Variants in CD28 observed in about 807,000 individuals in gnomAD.
The protein encoded by CD28 is CD28 molecule.
Under a neutral mutation model 21.4 loss-of-function variants are expected in CD28, and 8 were observed. That is an observed-to-expected ratio of 0.37 (90% CI 0.22 to 0.68). The LOEUF (loss-of-function observed/expected upper bound fraction) is 0.68, where lower values mean the gene tolerates loss of function less well. Ranked by LOEUF, CD28 falls within the 30% of genes least tolerant of loss-of-function variation. The probability of loss-of-function intolerance (pLI) is 0.55; values close to 1 mark genes in which losing one functional copy is unlikely to be tolerated. For missense variants in CD28, 239 were observed against 272.2 expected (o/e 0.88, Z 0.86); for synonymous variants, 106 against 104.0 (o/e 1.02, Z -0.12).
At chr2:203,710,630 T>A (rs1353294566) in intron 1 of CD28, among the ~76,000 whole-genome samples, 5 of 152,238 alleles carry the variant, frequency 3.3e-5, no homozygotes, top group African/African-American at 1.2e-4. Flanking sequence ...TTCCTCCAAG[T>A]ATTTCCTGCA....
chr2:203,706,736 A>G lies in CD28; in HGVS notation c.40A>G (p.Ile14Val), dbSNP rs146720297. Residue 14 changes from isoleucine (I) to valine (V), a missense_variant, in exon 1 of 4, where the codon ATT becomes GTT. Physicochemically the swap from Ile to Val is conservative, Grantham distance 29. Around this residue, in one of 3 missense-constraint regions of CD28, gnomAD observed 104 missense variants for 108.5 expected, o/e 0.96. Coordinates refer to ENST00000324106, the MANE Select transcript of CD28 (RefSeq NM_006139.4). ...CTTGGCTCTCAACTTATTCCCTTCA[A>G]TTCAAGTAACAGGTAAACAATGTTA... The part of the protein sequence containing the change: ...LLLALNLFPS[I>V]QVTGNKILVK... 4.3e-4 allele frequency: 692 copies of G among 1,612,222 alleles called. 3 individuals carry two copies. Among genetic ancestry groups the G allele is most frequent in the Admixed American group, 1.0e-3 (63 of 60,026 alleles).
chr2:203,713,581 A>T (rs547345346), intron 1 of CD28, among the ~76,000 whole-genome samples: 1 of 152,240 alleles, frequency 6.6e-6, no homozygotes, highest in South Asian at 2.1e-4. Flanking sequence ...TTTGGCTGAA[A>T]CGCCACCTGG....
intron 1 of CD28, among the ~76,000 whole-genome samples, chr2:203,712,111 G>A (rs1693329614): frequency 6.6e-6 from 1 of 152,086 alleles, no homozygotes. Flanking sequence ...AGAATTGCTT[G>A]AACCTAGGAG....
At chr2:203,727,407 T>C (rs1406645693) in intron 2 of CD28, among the ~76,000 whole-genome samples, 1 of 151,492 alleles carries the variant, frequency 6.6e-6, no homozygotes, top group Non-Finnish European at 1.5e-5. Context: ...TCTTCCTCTG[T>C]AAAAGTACCT....
intron 2 of CD28, among the ~76,000 whole-genome samples, chr2:203,728,896 A>G (rs1693818673): frequency 6.6e-6 from 1 of 152,230 alleles, no homozygotes; most frequent in Non-Finnish European, 1.5e-5. Flanking sequence ...AAATCTGAGT[A>G]GGTTTTAAAA....
rs5837873 is a variant in CD28 at position 203,737,488 on chromosome 2, GA to G, written c.*2581del. The G allele has an allele frequency of 0.089, 13,585 of 152,392 alleles. 1,200 individuals carry two copies. Among genetic ancestry groups the G allele is most frequent in the East Asian group, 0.49 (2,529 of 5,172 alleles). The allele number at this position is 152,392 out of a possible 1,614,324, so 9.4% of individuals were successfully genotyped here. The stretch of plus-strand genomic sequence containing the variant: ...AATAAATGATTTTGTTTTCTGACTG[GA>G]AAAATAGGCCTACTAAAGATGAATC... On this transcript the variant is annotated 3_prime_UTR_variant, in exon 4 of 4. Transcript: ENST00000324106.
At chr2:203,734,102 T>C (rs1168509927) in intron 3 of CD28, among the ~76,000 whole-genome samples, 1 of 152,242 alleles carries the variant, frequency 6.6e-6, no homozygotes, top group Non-Finnish European at 1.5e-5. Flanking sequence ...ATGTAGAATT[T>C]TACTATCACA....
chr2:203,726,525 A>G (rs1452075692), intron 1 of CD28, 108 bp from the exon 2 acceptor site: 1 of 762,738 alleles, frequency 1.3e-6, no homozygotes, highest in Non-Finnish European at 2.2e-6. Flanking sequence ...GCCAAGAGAA[A>G]ACCTTTGCTG....
At chr2:203,731,746 T>C (rs1693899591) in intron 3 of CD28, among the ~76,000 whole-genome samples, 1 of 152,244 alleles carries the variant, frequency 6.6e-6, no homozygotes, top group South Asian at 2.1e-4. Context: ...AGACACATCA[T>C]AGACACACTG....
At chr2:203,712,193 A>T (rs1335704939) in intron 1 of CD28, among the ~76,000 whole-genome samples, 1 of 83,766 alleles carries the variant, frequency 1.2e-5, no homozygotes, top group Non-Finnish European at 2.8e-5. Flanking sequence ...TTCCGTCTCA[A>T]CAACAACAAA....
Position 203,738,222 on chromosome 2 carries a change from A to AC in CD28, c.*3312dup, listed in dbSNP as rs1450832011. ...GTCCCTCGGGTTAACTAACTGAGCC[A>AC]CCGGTCCTCATGGCTATTTTAATGA... On this transcript the variant is annotated 3_prime_UTR_variant, in exon 4 of 4. Coordinates refer to ENST00000324106, the MANE Select transcript of CD28 (RefSeq NM_006139.4). 3 of 152,172 alleles carry AC rather than the reference A, an allele frequency of 2.0e-5. No individual in the cohort carries two copies. The highest frequency in any genetic ancestry group is 7.2e-5 in the African/African-American group (3 of 41,438). The allele number at this position is 152,172 out of a possible 1,614,324, so 9.4% of individuals were successfully genotyped here.
chr2:203,731,200 G>T (rs1319865935), intron 3 of CD28, among the ~76,000 whole-genome samples: 2 of 152,228 alleles, frequency 1.3e-5, no homozygotes, highest in African/African-American at 4.8e-5. Flanking sequence ...CAACCCTGAA[G>T]GTGGGGCTTT....
At chr2:203,729,545 A>T in intron 2 of CD28, 103 bp from the exon 3 acceptor site, 1 of 1,209,634 alleles carries the variant, frequency 8.3e-7, no homozygotes, top group Non-Finnish European at 1.2e-6. Flanking sequence ...TGATATGTTT[A>T]ATATTTTTAT....
intron 1 of CD28, among the ~76,000 whole-genome samples, chr2:203,724,189 A>C (rs112594100): frequency 7.0e-4 from 106 of 152,324 alleles, no homozygotes; most frequent in African/African-American, 2.2e-3. Context: ...GCAAATTCAT[A>C]GGGCCAAAGT....
intron 1 of CD28, among the ~76,000 whole-genome samples, chr2:203,715,158 A>T (rs1218332356): frequency 6.6e-6 from 1 of 152,200 alleles, no homozygotes; most frequent in African/African-American, 2.4e-5. Context: ...CTAGATTAAA[A>T]CATATATTTA....
chr2:203,726,627 C>A lies in CD28; in HGVS notation c.53-6C>A, dbSNP rs1419485685. ...GTTCTAAGCAAATGATTTTTTTTTCCCCCAGGAAACAAGATTTTGGTGAAG... is the reference window on the plus strand; with the variant it reads ...GTTCTAAGCAAATGATTTTTTTTTCACCCAGGAAACAAGATTTTGGTGAAG... On this transcript the variant is annotated splice_region_variant and splice_polypyrimidine_tract_variant and intron_variant, in intron 1 of 3. Transcript: ENST00000324106. 6.3e-7 allele frequency: 1 copy of A among 1,579,592 alleles called. No homozygotes were observed. The highest frequency in any genetic ancestry group is 8.6e-7 in the Non-Finnish European group (1 of 1,162,514).
intron 1 of CD28, among the ~76,000 whole-genome samples, chr2:203,726,013 A>G (rs1693736769): frequency 6.6e-6 from 1 of 152,152 alleles, no homozygotes; most frequent in Non-Finnish European, 1.5e-5. Context: ...GTTTGAGACC[A>G]GGCTAGCCAA....
chr2:203,734,728 C>T (rs1311974521), intron 3 of CD28, 56 bp from the exon 4 acceptor site: 6 of 1,603,294 alleles, frequency 3.7e-6, no homozygotes, highest in Non-Finnish European at 1.7e-6. Context: ...TGCCCACAGT[C>T]TTAGAACTCC....
At chr2:203,721,525 C>T (rs1420545550) in intron 1 of CD28, among the ~76,000 whole-genome samples, 1 of 152,074 alleles carries the variant, frequency 6.6e-6, no homozygotes, top group African/African-American at 2.4e-5. Context: ...CCACAGTCCC[C>T]TAACTCACCC....
Sources: gnomAD v4.1 joint callset for allele counts (sites outside exome capture counted in the v4.1 genomes callset) on GRCh38, gnomAD v4.1.1 for gene constraint, gnomAD v4.1.1 regional missense constraint, MANE v1.5 for transcripts, NCBI Gene and HGNC (gene_info 2026-07-23, HGNC 2026-07-21) for gene names.